TRIM62: variants seen among roughly 807,000 people sequenced by gnomAD.
The protein encoded by TRIM62 is E3 ubiquitin-protein ligase TRIM62.
A neutral mutation model predicts 44.2 loss-of-function variants in TRIM62; 39 were observed. That is an observed-to-expected ratio of 0.88 (90% CI 0.68 to 1.15). The LOEUF (loss-of-function observed/expected upper bound fraction) is 1.15. TRIM62 is among the 50% of genes most tolerant of loss of function. The pLI is 0.00. For missense variants in TRIM62, 544 were observed against 665.5 expected, an observed-to-expected ratio of 0.82 and a Z score of 2.01; for synonymous variants, 278 against 292.3, an observed-to-expected ratio of 0.95 and a Z score of 0.50.
rs1313690115 is a variant in TRIM62, at chr1:33,146,476, A to G, written c.*701T>C. On this transcript the variant is annotated 3_prime_UTR_variant, in exon 5 of 5. Transcript: ENST00000291416. Reference sequence around the variant, plus strand: ...TTGCTTTTAGGCTAATGGGCTCTGCATCAGCTTTGGGTATACCCTCACCCT... The same window carrying G: ...TTGCTTTTAGGCTAATGGGCTCTGCGTCAGCTTTGGGTATACCCTCACCCT... 1.9e-5 allele frequency: 3 copies of G among 158,906 alleles called. No homozygotes were observed. Among genetic ancestry groups the G allele is most frequent in the Non-Finnish European group, 4.2e-5 (3 of 71,840 alleles). 9.8% of individuals were successfully genotyped at this position (158,906 alleles called of 1,614,324 possible). A position where few individuals can be genotyped will look rare whatever the true frequency, so the allele number is the denominator to read the frequency against.
intron 1 of TRIM62, among the ~76,000 whole-genome samples, chr1:33,176,154 C>A (rs1024874789): frequency 6.6e-5 from 10 of 152,222 alleles, no homozygotes; most frequent in Admixed American, 3.9e-4. Flanking sequence ...CACAGACAAC[C>A]CAGCTGCCTT....
chr1:33,147,687 C>CT lies in TRIM62; in HGVS notation c.917dup (p.Arg307AlafsTer38), dbSNP rs1415437564. ...TGCAGTCGTCCGACAGGATCAGGCG[C>CT]TGGTGGGCTGTGCCCGGGTCCAGGG... On this transcript the variant is annotated frameshift_variant, in exon 5 of 5. Transcript: ENST00000291416. LOFTEE classifies it high-confidence loss of function. This position sits in a 1 kb window ranked among gnomAD's most constrained non-coding sequence, Gnocchi z 8.1. 2 of 1,613,390 alleles carry CT rather than the reference C, an allele frequency of 1.2e-6. No homozygotes were observed. The highest frequency in any genetic ancestry group is 2.7e-5 in the African/African-American group (2 of 74,930).
intron 4 of TRIM62, among the ~76,000 whole-genome samples, chr1:33,153,435 C>T (rs1261951131): frequency 6.6e-6 from 1 of 152,210 alleles, no homozygotes; most frequent in Non-Finnish European, 1.5e-5. Context: ...GGACATCTGG[C>T]AAAGTCCAGA....
intron 1 of TRIM62, among the ~76,000 whole-genome samples, chr1:33,179,287 C>T (rs1191972078): frequency 6.6e-6 from 1 of 152,198 alleles, no homozygotes; most frequent in East Asian, 1.9e-4. Context: ...CCTTCATCCT[C>T]AGACAGCTAG....
At position 33,165,392 on chromosome 1, in the gene TRIM62, T is replaced by C; in HGVS notation, c.504+79A>G. On this transcript the variant is annotated intron_variant, in intron 2 of 4. Transcript: ENST00000291416. This position sits in a 1 kb window ranked among gnomAD's most constrained non-coding sequence, Gnocchi z 4.0. ...CACCGCACACCCGAGGCCCCGCCCC[T>C]CTTCCCCAGCTGGCCCCGCCCCTCG... is the stretch of plus-strand genomic sequence containing the variant. The C allele has an allele frequency of 1.2e-5, 14 of 1,142,150 alleles. No homozygotes were observed. The highest frequency in any genetic ancestry group is 3.0e-4 in the Middle Eastern group (1 of 3,300). 70.8% of individuals were successfully genotyped at this position (1,142,150 alleles called of 1,614,324 possible). A position where few individuals can be genotyped will look rare whatever the true frequency, so the allele number is the denominator to read the frequency against.
rs1645015387 is a variant in TRIM62 at position 33,145,846 on chromosome 1, C to A, written c.*1331G>T. 2.1e-6 allele frequency: 1 copy of A among 470,990 alleles called. No homozygotes were observed. Among genetic ancestry groups the A allele is most frequent in the Admixed American group, 2.3e-5 (1 of 42,564 alleles). 29.2% of individuals were successfully genotyped at this position (470,990 alleles called of 1,614,324 possible). On this transcript the variant is annotated 3_prime_UTR_variant, in exon 5 of 5. Transcript: ENST00000291416. The stretch of plus-strand genomic sequence containing the variant: ...ACGCAGGTGGGGCTTGCTCCACCCA[C>A]CCTAACTTCCTTCTAGGGAAATGAC...
In TRIM62 at chr1:33,168,233, C is replaced by T. The variant is rs531485263; in HGVS notation, c.409-2667G>A. Among the ~76,000 whole-genome samples, 9 of 152,254 alleles carry T rather than the reference C, an allele frequency of 5.9e-5. No individual in the cohort carries two copies. The South Asian group carries it at 1.9e-3, about 32-fold the overall frequency. Reference sequence around the variant, plus strand: ...ATGCAATTGTTGGAACTCTGGCAGCCATCTCAGGCCATGAGGCAACTGTAA... The same window carrying T: ...ATGCAATTGTTGGAACTCTGGCAGCTATCTCAGGCCATGAGGCAACTGTAA... On this transcript the variant is annotated intron_variant, in intron 1 of 4. Transcript: ENST00000291416.
chr1:33,167,250 G>A lies in TRIM62; in HGVS notation c.409-1684C>T, dbSNP rs1055346772. Among the ~76,000 whole-genome samples the A allele has an allele frequency of 1.4e-4, 22 of 152,126 alleles. No individual in the cohort carries two copies. The highest frequency in any genetic ancestry group is 4.3e-4 in the African/African-American group (18 of 41,442). The stretch of plus-strand genomic sequence containing the variant: ...CATCTGGATTCACGGTCTTCCTTGC[G>A]CCTTCTGCTGTCTGAATATATTTGA... On this transcript the variant is annotated intron_variant, in intron 1 of 4. Transcript: ENST00000291416. This position sits in a 1 kb window ranked among gnomAD's most constrained non-coding sequence, Gnocchi z 4.2.
intron 1 of TRIM62, among the ~76,000 whole-genome samples, chr1:33,179,616 C>T (rs540575659): frequency 2.6e-5 from 4 of 151,804 alleles, no homozygotes; most frequent in Admixed American, 1.3e-4. Context: ...GTCATTCTTT[C>T]GTTCATTCAT....
At chr1:33,169,602 G>A (rs72885938) in intron 1 of TRIM62, among the ~76,000 whole-genome samples, 3,629 of 152,302 alleles carry the variant, frequency 0.024, 115 homozygotes, top group African/African-American at 0.082. Flanking sequence ...AAGCCTTAGG[G>A]TGACATTCAA....
At chr1:33,153,753 C>T (rs772056000) in intron 4 of TRIM62, among the ~76,000 whole-genome samples, 9 of 152,224 alleles carry the variant, frequency 5.9e-5, no homozygotes, top group Non-Finnish European at 1.2e-4. Flanking sequence ...CAAGTTTCTT[C>T]AGTCAGCAAA....
chr1:33,174,945 GTA>G (rs72310095), intron 1 of TRIM62, among the ~76,000 whole-genome samples: 25,506 of 141,542 alleles, frequency 0.18, 2,556 homozygotes, highest in Middle Eastern at 0.23. Flanking sequence ...ATATATGTGT[GTA>G]TATATATATA....
chr1:33,152,163 AAGTG>A (rs1423726580), intron 4 of TRIM62, among the ~76,000 whole-genome samples: 1 of 152,228 alleles, frequency 6.6e-6, no homozygotes, highest in Non-Finnish European at 1.5e-5. Context: ...ACTCTGAGGT[AAGTG>A]GCTTGCTCAA....
intron 3 of TRIM62, among the ~76,000 whole-genome samples, chr1:33,158,961 C>G (rs926484221): frequency 6.6e-6 from 1 of 152,142 alleles, no homozygotes; most frequent in Non-Finnish European, 1.5e-5. Flanking sequence ...CTGCCTCAGC[C>G]TCCTGAATAG....
chr1:33,165,642 C>T lies in TRIM62; in HGVS notation c.409-76G>A, dbSNP rs376350053. 169 of 1,319,392 alleles carry T rather than the reference C, an allele frequency of 1.3e-4. No homozygotes were observed. Among genetic ancestry groups the T allele is most frequent in the African/African-American group, 2.2e-4 (15 of 67,238 alleles). 81.7% of individuals were successfully genotyped at this position (1,319,392 alleles called of 1,614,324 possible). A position where few individuals can be genotyped will look rare whatever the true frequency, so the allele number is the denominator to read the frequency against. On this transcript the variant is annotated intron_variant, in intron 1 of 4. Transcript: ENST00000291416. This position sits in a 1 kb window ranked among gnomAD's most constrained non-coding sequence, Gnocchi z 4.0. ...GCATTCAGCCCTGACCACTGCCAGG[C>T]GCTGGGGGTTAGCCTGGTCTCTGTC... is the stretch of plus-strand genomic sequence containing the variant.
At chr1:33,174,438 C>A (rs1645397789) in intron 1 of TRIM62, among the ~76,000 whole-genome samples, 1 of 152,190 alleles carries the variant, frequency 6.6e-6, no homozygotes, top group Non-Finnish European at 1.5e-5. Flanking sequence ...CTTGCCTTGA[C>A]CTCTCAAAGT....
rs930290560 is a variant in TRIM62, at chr1:33,161,787, C to T, written c.505-1843G>A. Among the ~76,000 whole-genome samples the T allele has an allele frequency of 6.6e-6, 1 of 152,136 alleles. No individual in the cohort carries two copies. The highest frequency in any genetic ancestry group is 2.4e-5 in the African/African-American group (1 of 41,420). ...GCTACTCCTCTGGCTCCTCCTAGAC[C>T]ACTCTGCAGCACTTAGCCCACTCGC... On this transcript the variant is annotated intron_variant, in intron 2 of 4. Coordinates refer to ENST00000291416, the MANE Select transcript of TRIM62 (RefSeq NM_018207.3). This position sits in a 1 kb window ranked among gnomAD's most constrained non-coding sequence, Gnocchi z 4.3.
rs1320097648 is a variant in TRIM62, at chr1:33,147,012, G to C, written c.*165C>G. The C allele has an allele frequency of 1.3e-5, 9 of 667,184 alleles. No individual in the cohort carries two copies. Among genetic ancestry groups the C allele is most frequent in the Middle Eastern group, 3.9e-4 (1 of 2,578 alleles). The allele number at this position is 667,184 out of a possible 1,614,324, so 41.3% of individuals were successfully genotyped here. A position where few individuals can be genotyped will look rare whatever the true frequency, so the allele number is the denominator to read the frequency against. The stretch of plus-strand genomic sequence containing the variant: ...TCGATGCTGGAAGAGAGTTTAGGAA[G>C]TAGGGAATGCAACCTCCATTTTACA... On this transcript the variant is annotated 3_prime_UTR_variant, in exon 5 of 5. Coordinates refer to ENST00000291416, the MANE Select transcript of TRIM62 (RefSeq NM_018207.3). The surrounding 1 kb of genome is among the most constrained non-coding windows in gnomAD (Gnocchi z 8.1).
At chr1:33,151,695 G>A (rs1284411338) in intron 4 of TRIM62, among the ~76,000 whole-genome samples, 2 of 152,180 alleles carry the variant, frequency 1.3e-5, no homozygotes, top group African/African-American at 4.8e-5. Context: ...AGACACTGAG[G>A]CAGCCCGTCT....
Sources: gnomAD v4.1 joint callset for allele counts (sites outside exome capture counted in the v4.1 genomes callset) on GRCh38, gnomAD v4.1.1 for gene constraint, Gnocchi (gnomAD v3.1) non-coding constraint, MANE v1.5 for transcripts, NCBI Gene and HGNC (gene_info 2026-07-23, HGNC 2026-07-21) for gene names.